The following PRELID2 variants were observed in gnomAD, a reference collection of about 807,000 sequenced individuals.
PRELID2 encodes PRELI domain-containing protein 2.
In PRELID2, 25 loss-of-function variants were observed where a neutral mutation model predicts 28.4. The ratio of observed to expected loss-of-function variants is 0.88; its 90% CI spans 0.64 to 1.23. PRELID2 has a LOEUF of 1.23. Among genes scored for constraint, PRELID2 ranks in the 50% most tolerant of loss-of-function variants. PRELID2 has a pLI of 0.00. For synonymous variants in PRELID2, 76 were observed against 71.6 expected, an observed-to-expected ratio of 1.06 and a Z score of -0.31; for missense variants, 201 against 214.4, an observed-to-expected ratio of 0.94 and a Z score of 0.39.
chr5:145,572,733 C>A (rs990351371), intron 1 of PRELID2, among the ~76,000 whole-genome samples: 1 of 152,142 alleles, frequency 6.6e-6, no homozygotes, highest in African/African-American at 2.4e-5. Flanking sequence ...GTACCTGCCT[C>A]CTTTATAAGG....
intron 1 of PRELID2, among the ~76,000 whole-genome samples, chr5:145,618,929 T>A (rs751528391): frequency 1.3e-5 from 2 of 152,014 alleles, no homozygotes; most frequent in Non-Finnish European, 1.5e-5. Context: ...TACGGCCACC[T>A]CTGCTGAGTC....
the PRELID2 span, among the ~76,000 whole-genome samples, chr5:145,389,658 T>C: frequency 1.3e-5 from 2 of 152,130 alleles, no homozygotes; most frequent in Non-Finnish European, 2.9e-5. Flanking sequence ...GTGGGAGTTG[T>C]TCTAAAAATC....
At chr5:145,612,084 T>C (rs566100098) in intron 1 of PRELID2, among the ~76,000 whole-genome samples, 2 of 152,280 alleles carry the variant, frequency 1.3e-5, no homozygotes, top group East Asian at 3.9e-4. Flanking sequence ...TGGACATCCA[T>C]ATGTAAAAAA....
At chr5:145,497,425 C>T (rs554760000) in intron 1 of PRELID2, among the ~76,000 whole-genome samples, 17 of 152,272 alleles carry the variant, frequency 1.1e-4, no homozygotes, top group African/African-American at 3.4e-4. Context: ...CTTAACTACC[C>T]ATTTCCTTTG....
the PRELID2 span, among the ~76,000 whole-genome samples, chr5:145,351,566 A>T: frequency 1.3e-5 from 2 of 152,098 alleles, no homozygotes; most frequent in Non-Finnish European, 2.9e-5. Context: ...TTCAGTAGGG[A>T]TACAGCCAAA....
At chr5:145,340,953 AACTGC>A in the PRELID2 span, among the ~76,000 whole-genome samples, 2 of 151,644 alleles carry the variant, frequency 1.3e-5, no homozygotes, top group African/African-American at 4.8e-5. Flanking sequence ...CTCCCCTAAT[AACTGC>A]ACCCTAATCA....
chr5:145,511,378 A>T (rs77443986), intron 1 of PRELID2, among the ~76,000 whole-genome samples: 3,326 of 152,352 alleles, frequency 0.022, 127 homozygotes, highest in African/African-American at 0.077. Context: ...GTCATTACAA[A>T]GTTATCCTCA....
At chr5:145,586,415 G>T (rs144406234) in intron 1 of PRELID2, among the ~76,000 whole-genome samples, 2,292 of 152,176 alleles carry the variant, frequency 0.015, 63 homozygotes, top group African/African-American at 0.051. Flanking sequence ...GGCTGAGGCA[G>T]GTGGATCGCC....
At chr5:145,363,712 A>C in the PRELID2 span, among the ~76,000 whole-genome samples, 1 of 152,066 alleles carries the variant, frequency 6.6e-6, no homozygotes, top group South Asian at 2.1e-4. Context: ...TATAATCATC[A>C]TCTGAATTGT....
chr5:145,362,770 G>A, the PRELID2 span, among the ~76,000 whole-genome samples: 2 of 152,002 alleles, frequency 1.3e-5, no homozygotes, highest in African/African-American at 4.8e-5. Flanking sequence ...ACAAATCCTG[G>A]CCAAAAACTT....
At chr5:145,306,351 T>G in the PRELID2 span, among the ~76,000 whole-genome samples, 1 of 152,200 alleles carries the variant, frequency 6.6e-6, no homozygotes, top group Non-Finnish European at 1.5e-5. Context: ...TAACAATGTT[T>G]AATGAGTTAA....
the PRELID2 span, among the ~76,000 whole-genome samples, chr5:145,271,485 G>A: frequency 2.0e-5 from 3 of 151,998 alleles, no homozygotes; most frequent in African/African-American, 7.2e-5. Flanking sequence ...CAAAGTACTG[G>A]GATTATAGGT....
At chr5:145,266,169 T>G in the PRELID2 span, among the ~76,000 whole-genome samples, 2 of 88,984 alleles carry the variant, frequency 2.2e-5, no homozygotes, top group African/African-American at 6.0e-5. Flanking sequence ...TATTTTAACA[T>G]TTTTTTTTCT....
the PRELID2 span, among the ~76,000 whole-genome samples, chr5:145,422,516 T>C: frequency 6.6e-6 from 1 of 152,142 alleles, no homozygotes; most frequent in Admixed American, 6.5e-5. Flanking sequence ...TTGATCTTTG[T>C]TGGTTTAAAG....
chr5:145,690,821 T>C (rs1174764228), intron 1 of PRELID2, among the ~76,000 whole-genome samples: 1 of 152,228 alleles, frequency 6.6e-6, no homozygotes, highest in African/African-American at 2.4e-5. Flanking sequence ...TTCCTTGCCC[T>C]GCTTTTAGAT....
At chr5:145,344,558 G>A in the PRELID2 span, among the ~76,000 whole-genome samples, 38 of 151,946 alleles carry the variant, frequency 2.5e-4, no homozygotes, top group East Asian at 7.7e-4. Flanking sequence ...CTTTGCACAC[G>A]TTTCCACATA....
chr5:145,268,009 A>C, the PRELID2 span, among the ~76,000 whole-genome samples: 1 of 152,008 alleles, frequency 6.6e-6, no homozygotes, highest in African/African-American at 2.4e-5. Flanking sequence ...TAATATTTTT[A>C]TAGATAATTC....
At chr5:145,329,694 G>C in the PRELID2 span, among the ~76,000 whole-genome samples, 1 of 152,108 alleles carries the variant, frequency 6.6e-6, no homozygotes, top group African/African-American at 2.4e-5. Flanking sequence ...AGATGATAGG[G>C]TTTTCTAAAT....
the PRELID2 span, among the ~76,000 whole-genome samples, chr5:145,419,137 C>T: frequency 3.3e-5 from 5 of 150,368 alleles, no homozygotes; most frequent in African/African-American, 9.8e-5. Context: ...CATTGTTGGA[C>T]ATTTGGGTTG....
Sources: gnomAD v4.1 joint callset for allele counts (sites outside exome capture counted in the v4.1 genomes callset) on GRCh38, gnomAD v4.1.1 for gene constraint, MANE v1.5 for transcripts, NCBI Gene and HGNC (gene_info 2026-07-23, HGNC 2026-07-21) for gene names.